DRG1: variants seen among roughly 807,000 people sequenced by gnomAD.
DRG1 encodes developmentally regulated GTP binding protein 1, also known as developmentally-regulated GTP-binding protein 1.
A neutral mutation model predicts 38.8 loss-of-function variants in DRG1; 19 were observed. The observed-to-expected ratio is 0.49, with a 90% confidence interval of 0.34 to 0.72. DRG1 has a LOEUF of 0.72. Among genes scored for constraint, DRG1 ranks in the 30% least tolerant of loss-of-function variants. The probability of loss-of-function intolerance (pLI) is 0.01; values close to 1 mark genes in which losing one functional copy is unlikely to be tolerated. For missense variants in DRG1, 299 were observed against 444.8 expected (o/e 0.67, Z 2.95); for synonymous variants, 167 against 157.5 (o/e 1.06, Z -0.45).
At chr22:31,433,665 A>T (rs1453387414) in intron 8 of DRG1, among the ~76,000 whole-genome samples, 2 of 152,164 alleles carry the variant, frequency 1.3e-5, no homozygotes, top group African/African-American at 4.8e-5. Context: ...TTTCTGCAAT[A>T]AGAGGAACCA....
chr22:31,412,983 T>A (rs865886396), intron 4 of DRG1, among the ~76,000 whole-genome samples: 1 of 152,092 alleles, frequency 6.6e-6, no homozygotes, highest in African/African-American at 2.4e-5. Flanking sequence ...CTCATATCTT[T>A]CATTTTATGG....
Position 31,399,865 on chromosome 22 carries a change from T to G in DRG1, c.42+140T>G, listed in dbSNP as rs112905807. 2.0e-5 allele frequency: 25 copies of G among 1,250,606 alleles called. 1 individual carries two copies. The Middle Eastern group carries it at 5.6e-4, about 28-fold the overall frequency. 77.5% of individuals were successfully genotyped at this position (1,250,606 alleles called of 1,614,324 possible). A position where few individuals can be genotyped will look rare whatever the true frequency, so the allele number is the denominator to read the frequency against. On this transcript the variant is annotated intron_variant, in intron 1 of 8. Coordinates refer to ENST00000331457, the MANE Select transcript of DRG1 (RefSeq NM_004147.4). ...CTCTCAGCGAGGCCCGTGTTCCGAC[T>G]GCCCTCTGCCACGATTAGGAGTCCC...
chr22:31,422,117 A>AAAAGAAAG (rs202067771), intron 5 of DRG1, among the ~76,000 whole-genome samples: 10 of 149,588 alleles, frequency 6.7e-5, no homozygotes, highest in Admixed American at 1.3e-4. Flanking sequence ...CTCAAAAAAA[A>AAAAGAAAG]AAAGAAAGAA....
chr22:31,426,562 C>T lies in DRG1; in HGVS notation c.714-53C>T, dbSNP rs958774032. ...GAGGGTGTGCTGTTCAACAGTCTGA[C>T]AGTTCTGTCAACAACTCCAGACTAA... On this transcript the variant is annotated intron_variant, in intron 6 of 8. Coordinates refer to ENST00000331457, the MANE Select transcript of DRG1 (RefSeq NM_004147.4). 30 of 1,515,812 alleles carry T rather than the reference C, an allele frequency of 2.0e-5. No homozygotes were observed. The Admixed American group carries it at 5.4e-4, about 27-fold the overall frequency. The allele number at this position is 1,515,812 out of a possible 1,614,324, so 93.9% of individuals were successfully genotyped here. A position where few individuals can be genotyped will look rare whatever the true frequency, so the allele number is the denominator to read the frequency against.
chr22:31,406,153 C>A (rs2049989391), intron 3 of DRG1, among the ~76,000 whole-genome samples: 1 of 151,938 alleles, frequency 6.6e-6, no homozygotes, highest in South Asian at 2.1e-4. Flanking sequence ...AGGTATGTGC[C>A]ACCATGCCCG....
At chr22:31,432,429 GTTT>G (rs556570663) in intron 8 of DRG1, among the ~76,000 whole-genome samples, 1 of 135,726 alleles carries the variant, frequency 7.4e-6, no homozygotes, top group African/African-American at 2.7e-5. Context: ...GTGTGTGTGT[GTTT>G]TTTTTTTTTT....
chr22:31,400,704 A>G lies in DRG1; in HGVS notation c.127A>G (p.Ile43Val), dbSNP rs143000666. Reference protein sequence around the residue: ...ARLAKLRRELITPKGGGGGGP... With the variant: ...ARLAKLRRELVTPKGGGGGGP... ...TCTTGCTAAGCTTCGTCGAGAACTC[A>G]TTACTCCAAAGGGTGGTGGTGGTGG... Residue 43 changes from isoleucine (I) to valine (V), a missense_variant, in exon 2 of 9, where the codon ATT becomes GTT. Ile to Val is a conservative substitution (Grantham distance 29). Transcript: ENST00000331457. 6.4e-5 allele frequency: 103 copies of G among 1,613,258 alleles called. No homozygotes were observed. Among genetic ancestry groups the G allele is most frequent in the Non-Finnish European group, 8.0e-5 (94 of 1,179,594 alleles).
intron 1 of DRG1, 132 bp downstream of exon 1, chr22:31,399,857 G>C (rs2049951002): frequency 3.7e-6 from 5 of 1,338,770 alleles, no homozygotes; most frequent in Non-Finnish European, 3.2e-6. Context: ...CGAGGCCCGT[G>C]TTCCGACTGC....
At position 31,420,812 on chromosome 22, in the gene DRG1, C is replaced by T. The variant is rs2050072737; in HGVS notation, c.582+387C>T. On this transcript the variant is annotated intron_variant, in intron 5 of 8. Transcript: ENST00000331457. ...AATGGAAGAGGGAATAGTGAAACCC[C>T]CTGCTTTTATATTCTAATTGGATAG... Among the ~76,000 whole-genome samples the T allele has an allele frequency of 3.3e-5, 5 of 152,126 alleles. 1 individual carries two copies. The South Asian group carries it at 1.0e-3, about 31-fold the overall frequency.
chr22:31,423,694 T>C (rs866702366), intron 6 of DRG1, among the ~76,000 whole-genome samples: 1 of 150,986 alleles, frequency 6.6e-6, no homozygotes. Flanking sequence ...GCCCAGCTAA[T>C]TTTTGTATTT....
intron 2 of DRG1, among the ~76,000 whole-genome samples, chr22:31,401,918 G>T (rs2049963306): frequency 1.3e-5 from 2 of 152,102 alleles, no homozygotes; most frequent in African/African-American, 2.4e-5. Flanking sequence ...GGGCATGGTA[G>T]CACGAACCTG....
intron 6 of DRG1, among the ~76,000 whole-genome samples, chr22:31,423,914 G>C (rs539289444): frequency 2.8e-4 from 42 of 150,246 alleles, no homozygotes; most frequent in Middle Eastern, 3.5e-3. Context: ...AGCCAGGCTG[G>C]AGTGCAGTGG....
intron 4 of DRG1, among the ~76,000 whole-genome samples, chr22:31,413,974 A>G (rs2050031723): frequency 6.6e-6 from 1 of 152,018 alleles, no homozygotes; most frequent in African/African-American, 2.4e-5. Context: ...CCTGATGGCC[A>G]ATTTATTGTC....
chr22:31,411,534 T>C (rs933030753), intron 4 of DRG1, among the ~76,000 whole-genome samples: 4 of 150,200 alleles, frequency 2.7e-5, no homozygotes, highest in African/African-American at 7.3e-5. Flanking sequence ...TCTTTTCTTT[T>C]TTTTTTTTTT....
At chr22:31,399,942 C>G (rs2049951617) in intron 1 of DRG1, among the ~76,000 whole-genome samples, 1 of 152,140 alleles carries the variant, frequency 6.6e-6, no homozygotes, top group Admixed American at 6.6e-5. Context: ...TCTACGCTCT[C>G]GGACTCCCCT....
At chr22:31,410,153 G>A (rs2050010501) in intron 3 of DRG1, among the ~76,000 whole-genome samples, 1 of 152,014 alleles carries the variant, frequency 6.6e-6, no homozygotes, top group Admixed American at 6.6e-5. Flanking sequence ...TTTTCAAGGA[G>A]GTAAGGTACA....
chr22:31,432,321 C>A (rs1186240263), intron 8 of DRG1, among the ~76,000 whole-genome samples: 1 of 151,958 alleles, frequency 6.6e-6, no homozygotes, highest in African/African-American at 2.4e-5. Flanking sequence ...AGAAAACTTT[C>A]ATCTTCAGGC....
intron 5 of DRG1, among the ~76,000 whole-genome samples, chr22:31,422,324 C>T (rs540440313): frequency 3.3e-5 from 5 of 150,304 alleles, no homozygotes; most frequent in African/African-American, 4.9e-5. Context: ...CCTGGTACTT[C>T]GGAGGCTGAG....
At position 31,420,270 on chromosome 22, in the gene DRG1, A is replaced by C. The variant is rs199705711; in HGVS notation, c.427A>C (p.Asn143His). ...RQVIAVARTC[N>H]LILIVLDVLK... The stretch of plus-strand genomic sequence containing the variant: ...TTACTCTTCAGTGGCCCGAACCTGT[A>C]ACTTGATCTTGATTGTTCTGGATGT... Residue 143 changes from asparagine to histidine, a missense_variant, in exon 5 of 9, where the codon AAC becomes CAC. Asn to His is a moderately conservative substitution (Grantham distance 68). Transcript: ENST00000331457. 5 of 1,613,966 alleles carry C rather than the reference A, an allele frequency of 3.1e-6. No individual in the cohort carries two copies. The highest frequency in any genetic ancestry group is 4.2e-6 in the Non-Finnish European group (5 of 1,179,950).
Sources: allele counts gnomAD v4.1 joint callset (sites outside exome capture counted in the v4.1 genomes callset), GRCh38; gene constraint gnomAD v4.1.1; transcripts MANE v1.5; gene names NCBI Gene and HGNC (gene_info 2026-07-23, HGNC 2026-07-21).